ANK2: variants seen among roughly 807,000 people sequenced by gnomAD.
ANK2 encodes ankyrin-2.
A neutral mutation model predicts 360.5 loss-of-function variants in ANK2; 83 were observed. The observed-to-expected ratio is 0.23, with a 90% confidence interval of 0.19 to 0.28. The LOEUF (loss-of-function observed/expected upper bound fraction) is 0.28. ANK2 is among the 10% of genes least tolerant of loss of function. The pLI is 1.00. For synonymous variants in ANK2, 1,740 were observed against 1,759.5 expected, an observed-to-expected ratio of 0.99 and a Z score of 0.28; for missense variants, 4,201 against 4,795.7, an observed-to-expected ratio of 0.88 and a Z score of 3.66.
intron 22 of ANK2, 96 bp from the exon 23 acceptor site, chr4:113,302,671 T>G (rs2075558441): frequency 1.1e-6 from 1 of 935,512 alleles, no homozygotes. Context: ...CTCGATGGCT[T>G]GCTGCTGCTG....
intron 2 of ANK2, among the ~76,000 whole-genome samples, chr4:113,006,373 T>A (rs1277299122): frequency 6.6e-6 from 1 of 152,066 alleles, no homozygotes; most frequent in Admixed American, 6.6e-5. Context: ...GTAAAAGAGA[T>A]GAGAAGATAG....
intron 43 of ANK2, among the ~76,000 whole-genome samples, chr4:113,370,085 A>G (rs1404879571): frequency 6.6e-6 from 1 of 152,110 alleles, no homozygotes; most frequent in African/African-American, 2.4e-5. Context: ...GTGAAACAAT[A>G]TATCTGGAGG....
At chr4:113,265,026 A>G (rs2153658428) in intron 14 of ANK2, 31 bp downstream of exon 14, 2 of 1,541,340 alleles carry the variant, frequency 1.3e-6, no homozygotes, top group South Asian at 1.2e-5. Context: ...GTTCTCTTCT[A>G]TCGCAGCGCA....
chr4:113,129,900 A>C (rs1053201705), intron 1 of ANK2, among the ~76,000 whole-genome samples: 1 of 152,182 alleles, frequency 6.6e-6, no homozygotes, highest in Non-Finnish European at 1.5e-5. Context: ...CATGATGTTG[A>C]AAATAACAAT....
At chr4:112,979,883 CATG>C (rs1440961045) in intron 2 of ANK2, 1 of 152,094 alleles carries the variant, frequency 6.6e-6, no homozygotes, top group African/African-American at 2.4e-5. Flanking sequence ...TCGGAAAAAG[CATG>C]ATAAGTTCTC....
In ANK2 at chr4:113,300,747, G is replaced by C. The variant is rs565989439; in HGVS notation, c.2476-2020G>C. On this transcript the variant is annotated intron_variant, in intron 22 of 45. Transcript: ENST00000357077. ...TCAGAGGCATGAGAGAACATGACCT[G>C]TCAAAATAAAGGCAGCTCAACACGA... 3.3e-5 allele frequency among the ~76,000 whole-genome samples: 5 copies of C among 152,328 alleles called. No homozygotes were observed. The East Asian group carries it at 9.6e-4, about 29-fold the overall frequency.
chr4:113,111,198 C>A (rs942597639), intron 1 of ANK2, among the ~76,000 whole-genome samples: 1 of 152,066 alleles, frequency 6.6e-6, no homozygotes, highest in African/African-American at 2.4e-5. Context: ...TAGGAGAAAT[C>A]AATCTTTTTC....
chr4:112,724,530 G>A, the ANK2 span, among the ~76,000 whole-genome samples: 1 of 147,352 alleles, frequency 6.8e-6, no homozygotes, highest in African/African-American at 2.5e-5. Flanking sequence ...AGAAAATAAA[G>A]ATACAAATAT....
At chr4:113,321,293 CAT>C (rs10568505) in intron 26 of ANK2, among the ~76,000 whole-genome samples, 38,972 of 152,086 alleles carry the variant, frequency 0.26, 8,284 homozygotes, top group African/African-American at 0.59. Flanking sequence ...GTACAATCCC[CAT>C]ATACACATGT....
chr4:113,212,315 A>G (rs2099032760), intron 4 of ANK2, among the ~76,000 whole-genome samples: 2 of 152,036 alleles, frequency 1.3e-5, no homozygotes. Flanking sequence ...TTCCTTTCTT[A>G]ATTGGGAAGA....
chr4:112,943,514 C>T lies in ANK2; in HGVS notation c.21+39000C>T, dbSNP rs968669379. On this transcript the variant is annotated intron_variant, in intron 2 of 30. Transcript: ENST00000503271. ...TTTCTCTGTGGCTGTTGTGTGATAG[C>T]GGAGGAAGCCTTGACTGTAAGTCAT... is the stretch of plus-strand genomic sequence containing the variant. Among the ~76,000 whole-genome samples, 7 of 151,872 alleles carry T rather than the reference C, an allele frequency of 4.6e-5. No individual in the cohort carries two copies. In the South Asian group the frequency reaches 6.2e-4, roughly 14 times the overall value.
chr4:112,805,108 G>A, the ANK2 span, among the ~76,000 whole-genome samples: 11 of 152,300 alleles, frequency 7.2e-5, no homozygotes, highest in East Asian at 1.2e-3. Context: ...ACTGAGGAAG[G>A]ATGTGACCAG....
chr4:113,038,350 A>G (rs943086648), intron 2 of ANK2, among the ~76,000 whole-genome samples: 2 of 152,060 alleles, frequency 1.3e-5, no homozygotes, highest in Non-Finnish European at 2.9e-5. Flanking sequence ...ACCCAGTAAT[A>G]TGTAATCATT....
chr4:112,995,979 A>G (rs2048365297), intron 2 of ANK2, among the ~76,000 whole-genome samples: 1 of 152,228 alleles, frequency 6.6e-6, no homozygotes, highest in African/African-American at 2.4e-5. Context: ...TAGCTCTTCC[A>G]ACATAGAGAA....
intron 23 of ANK2, among the ~76,000 whole-genome samples, chr4:113,310,819 C>T (rs925413958): frequency 6.6e-6 from 1 of 152,172 alleles, no homozygotes; most frequent in African/African-American, 2.4e-5. Flanking sequence ...ATTAAACCAT[C>T]CCCTTCACCT....
At chr4:112,817,563 A>G (rs960476677), upstream of ANK2, among the ~76,000 whole-genome samples, 8 of 152,244 alleles carry the variant, frequency 5.3e-5, no homozygotes, top group East Asian at 1.3e-3. Context: ...GAGATTGCCC[A>G]TGAACTAAAC....
chr4:112,911,264 T>C (rs1171147605), intron 2 of ANK2, among the ~76,000 whole-genome samples: 1 of 145,386 alleles, frequency 6.9e-6, no homozygotes, highest in Non-Finnish European at 1.5e-5. Context: ...TCTCAACACT[T>C]TGGGAGGCCG....
chr4:113,021,530 C>CCCCCCCCACACA (rs1554056650), intron 2 of ANK2, among the ~76,000 whole-genome samples: 9 of 13,086 alleles, frequency 6.9e-4, no homozygotes, highest in African/African-American at 2.1e-3. Context: ...ACACACACAC[C>CCCCCCCCACACA]CACACACAAA....
intron 1 of ANK2, among the ~76,000 whole-genome samples, chr4:112,820,430 T>G (rs1297847949): frequency 6.6e-6 from 1 of 152,232 alleles, no homozygotes; most frequent in East Asian, 1.9e-4. Context: ...TGCCCAGTGC[T>G]CCTTCTGCAA....
Sources: gnomAD v4.1 joint callset for allele counts (sites outside exome capture counted in the v4.1 genomes callset) on GRCh38, gnomAD v4.1.1 for gene constraint, MANE v1.5 for transcripts, NCBI Gene and HGNC (gene_info 2026-07-23, HGNC 2026-07-21) for gene names.